Variants in TMEM131 observed in about 807,000 individuals in gnomAD.
The protein encoded by TMEM131 is 2610524E03Rik.
A neutral mutation model predicts 211.6 loss-of-function variants in TMEM131; 66 were observed. That is an observed-to-expected ratio of 0.31 (90% confidence interval 0.26 to 0.38). TMEM131 has a LOEUF of 0.38. Ranked by LOEUF, TMEM131 falls within the 10% of genes least tolerant of loss-of-function variation. The pLI, the probability that TMEM131 is intolerant of heterozygous loss-of-function variation, is 1.00. For synonymous variants in TMEM131, 844 were observed against 841.3 expected (o/e 1.00, Z -0.06); for missense variants, 2,036 against 2,299.3 (o/e 0.89, Z 2.34).
chr2:97,812,736 G>A lies in TMEM131; in HGVS notation c.1631C>T (p.Pro544Leu). Residue 544 changes from proline to leucine, a missense_variant, in exon 16 of 41, where the codon CCC becomes CTC. Coordinates refer to ENST00000186436, the MANE Select transcript of TMEM131 (RefSeq NM_015348.2). ...YTGFLDYFVL[P>L]PKIEERFIDF... The stretch of plus-strand genomic sequence containing the variant: ...TATGAAACGTTCCTCTATTTTGGGG[G>A]GCAATACAAAGTACTGGAAAGATAT... 6.3e-7 allele frequency: 1 copy of A among 1,575,392 alleles called. No individual in the cohort carries two copies.
intron 1 of TMEM131, among the ~76,000 whole-genome samples, chr2:97,938,509 A>C (rs534637443): frequency 2.0e-5 from 3 of 152,326 alleles, no homozygotes; most frequent in African/African-American, 7.2e-5. Context: ...CCAATACAGG[A>C]GCACCCAGAT....
chr2:97,878,531 G>A (rs965075478), intron 4 of TMEM131, among the ~76,000 whole-genome samples: 11 of 152,212 alleles, frequency 7.2e-5, no homozygotes, highest in African/African-American at 2.7e-4. Context: ...AAAAGGATGA[G>A]TTCATGCCCT....
At chr2:97,863,990 GA>G (rs1674169355) in intron 4 of TMEM131, among the ~76,000 whole-genome samples, 2 of 152,174 alleles carry the variant, frequency 1.3e-5, no homozygotes, top group African/African-American at 4.8e-5. Flanking sequence ...TTTATTACCA[GA>G]TGAATGGATA....
At chr2:97,921,898 C>T (rs541074966) in intron 2 of TMEM131, among the ~76,000 whole-genome samples, 1 of 152,302 alleles carries the variant, frequency 6.6e-6, no homozygotes, top group South Asian at 2.1e-4. Flanking sequence ...AGGAAGAAAA[C>T]ACTTTACAAA....
intron 40 of TMEM131, 105 bp from the exon 41 acceptor site, chr2:97,757,488 CTT>C: frequency 7.7e-7 from 1 of 1,292,666 alleles, no homozygotes; most frequent in South Asian, 1.5e-5. Flanking sequence ...ACGCATTCCT[CTT>C]ACTTTGTTTA....
intron 5 of TMEM131, among the ~76,000 whole-genome samples, chr2:97,849,482 T>C (rs1041792205): frequency 6.6e-6 from 1 of 152,168 alleles, no homozygotes; most frequent in Non-Finnish European, 1.5e-5. Context: ...ATATGCTACA[T>C]GGTTCCATTA....
At chr2:97,976,386 C>A (rs1298558729) in intron 1 of TMEM131, among the ~76,000 whole-genome samples, 2 of 151,868 alleles carry the variant, frequency 1.3e-5, no homozygotes, top group East Asian at 1.9e-4. Context: ...TAGCAATGAA[C>A]CAGAAATTGA....
chr2:97,838,286 GA>G (rs1248499873), intron 7 of TMEM131, among the ~76,000 whole-genome samples: 1 of 151,792 alleles, frequency 6.6e-6, no homozygotes, highest in Non-Finnish European at 1.5e-5. Context: ...TTCTTAAAAA[GA>G]AAAAATATAT....
intron 1 of TMEM131, among the ~76,000 whole-genome samples, chr2:97,992,636 C>T (rs1197035643): frequency 6.6e-6 from 1 of 151,926 alleles, no homozygotes; most frequent in Non-Finnish European, 1.5e-5. Context: ...ATATATAATG[C>T]TTTTTTAAAA....
intron 3 of TMEM131, among the ~76,000 whole-genome samples, chr2:97,888,374 T>C (rs932359400): frequency 6.6e-6 from 1 of 152,264 alleles, no homozygotes; most frequent in Non-Finnish European, 1.5e-5. Flanking sequence ...GCAGACTGAA[T>C]GTTGAAATTT....
intron 25 of TMEM131, among the ~76,000 whole-genome samples, chr2:97,798,864 A>G (rs1406976097): frequency 6.6e-6 from 1 of 152,196 alleles, no homozygotes; most frequent in Non-Finnish European, 1.5e-5. Flanking sequence ...TCCCTTTTAA[A>G]TCAACTACTC....
intron 1 of TMEM131, among the ~76,000 whole-genome samples, chr2:97,974,573 T>C (rs1204261295): frequency 1.4e-5 from 2 of 147,304 alleles, no homozygotes; most frequent in East Asian, 4.0e-4. Flanking sequence ...CAAACCAGAT[T>C]TACAAAAAAA....
rs149544339 is a variant in TMEM131, at chr2:97,774,455, G to A, written c.4320+1388C>T. ...CAGTTGCAGAGAAATAAAAGCACAC[G>A]GCCTCTATGCAGATTGCTGAGCAGG... is the stretch of plus-strand genomic sequence containing the variant. On this transcript the variant is annotated intron_variant, in intron 32 of 40. Transcript: ENST00000186436. Among the ~76,000 whole-genome samples, 27 of 152,324 alleles carry A rather than the reference G, an allele frequency of 1.8e-4. No individual in the cohort carries two copies. In the East Asian group the frequency reaches 4.2e-3, roughly 24 times the overall value.
rs1678516328 is a variant in TMEM131, at chr2:97,756,955, G to A, written c.*144C>T. 1.1e-6 allele frequency: 1 copy of A among 922,662 alleles called. No homozygotes were observed. Among genetic ancestry groups the A allele is most frequent in the Non-Finnish European group, 1.6e-6 (1 of 638,286 alleles). The allele number at this position is 922,662 out of a possible 1,614,324, so 57.2% of individuals were successfully genotyped here. A position where few individuals can be genotyped will look rare whatever the true frequency, so the allele number is the denominator to read the frequency against. ...AAGATCTGAAAGAAGCGAGTGGTCTGAGCCTGCCCTGCTTGGGTCTGTTTT... is the reference window on the plus strand; with the variant it reads ...AAGATCTGAAAGAAGCGAGTGGTCTAAGCCTGCCCTGCTTGGGTCTGTTTT... On this transcript the variant is annotated 3_prime_UTR_variant, in exon 41 of 41. Transcript: ENST00000186436.
At chr2:97,993,038 A>C (rs944636362) in intron 1 of TMEM131, among the ~76,000 whole-genome samples, 3 of 152,236 alleles carry the variant, frequency 2.0e-5, no homozygotes, top group African/African-American at 7.2e-5. Flanking sequence ...AAGAAAATCA[A>C]CATCAAGTCC....
At chr2:97,865,225 A>G (rs545861238) in intron 4 of TMEM131, among the ~76,000 whole-genome samples, 1 of 152,380 alleles carries the variant, frequency 6.6e-6, no homozygotes, top group South Asian at 2.1e-4. Context: ...CCCAAGTAAC[A>G]TGATATGTTT....
intron 4 of TMEM131, among the ~76,000 whole-genome samples, chr2:97,883,682 C>T (rs540764454): frequency 8.5e-5 from 13 of 152,200 alleles, no homozygotes; most frequent in African/African-American, 3.1e-4. Flanking sequence ...AGTTTCAGCA[C>T]TGATCACAAA....
intron 32 of TMEM131, among the ~76,000 whole-genome samples, chr2:97,772,727 C>T (rs1452861931): frequency 6.6e-6 from 1 of 151,934 alleles, no homozygotes; most frequent in African/African-American, 2.4e-5. Flanking sequence ...AAAACCCTGT[C>T]TCTACTAAAA....
chr2:97,871,148 C>T (rs1674474420), intron 4 of TMEM131, among the ~76,000 whole-genome samples: 1 of 152,064 alleles, frequency 6.6e-6, no homozygotes. Flanking sequence ...ATTATATAAG[C>T]CAAAGATTTT....
Sources: allele counts gnomAD v4.1 joint callset (sites outside exome capture counted in the v4.1 genomes callset), GRCh38; gene constraint gnomAD v4.1.1; transcripts MANE v1.5; gene names NCBI Gene and HGNC (gene_info 2026-07-23, HGNC 2026-07-21).